The following KIF13A variants were observed in gnomAD, a reference collection of about 807,000 sequenced individuals.
The protein encoded by KIF13A is kinesin family member 13A.
In KIF13A, 79 loss-of-function variants were observed where a neutral mutation model predicts 212.2. That is an observed-to-expected ratio of 0.37 (90% CI 0.31 to 0.45). The LOEUF (loss-of-function observed/expected upper bound fraction) is 0.45. Among genes scored for constraint, KIF13A ranks in the 20% least tolerant of loss-of-function variants. KIF13A has a pLI of 1.00. For missense variants in KIF13A, 1,901 were observed against 2,209.0 expected (o/e 0.86, Z 2.79); for synonymous variants, 789 against 808.6 (o/e 0.98, Z 0.41).
Position 17,775,101 on chromosome 6 carries a change from ATT to A in KIF13A, c.4171-41_4171-40del, listed in dbSNP as rs749687713. The stretch of plus-strand genomic sequence containing the variant: ...ATGGTTTTAGCAATGTGGTTTATAT[ATT>A]TAATATAAGGGGTTTTTTTTATATA... On this transcript the variant is annotated intron_variant, in intron 34 of 38. Transcript: ENST00000259711. 10 of 1,526,452 alleles carry A rather than the reference ATT, an allele frequency of 6.6e-6. No individual in the cohort carries two copies. The East Asian group carries it at 2.3e-4, about 36-fold the overall frequency. The allele number at this position is 1,526,452 out of a possible 1,614,324, so 94.6% of individuals were successfully genotyped here. A position where few individuals can be genotyped will look rare whatever the true frequency, so the allele number is the denominator to read the frequency against.
At chr6:17,975,236 C>T (rs146957957) in intron 2 of KIF13A, among the ~76,000 whole-genome samples, 172 of 152,130 alleles carry the variant, frequency 1.1e-3, no homozygotes, top group African/African-American at 4.0e-3. Flanking sequence ...TTCTGTAATC[C>T]CAGCTACTCG....
At chr6:17,842,049 ATAT>A (rs1047203211) in intron 9 of KIF13A, among the ~76,000 whole-genome samples, 1 of 150,606 alleles carries the variant, frequency 6.6e-6, no homozygotes, top group Non-Finnish European at 1.5e-5. Context: ...ACTTATACAT[ATAT>A]TATTTTTTTT....
rs1772933290 is a variant in KIF13A, at chr6:17,900,269, C to G, written c.147-2089G>C. 6.6e-6 allele frequency among the ~76,000 whole-genome samples: 1 copy of G among 152,204 alleles called. No individual in the cohort carries two copies. Among genetic ancestry groups the G allele is most frequent in the Admixed American group, 6.5e-5 (1 of 15,282 alleles). On this transcript the variant is annotated intron_variant, in intron 2 of 38. Transcript: ENST00000259711. The surrounding 1 kb of genome is among the most constrained non-coding windows in gnomAD (Gnocchi z 4.6). ...ACAGCACAATAATAACCACCACCAG[C>G]AGCAATGAACCAGTGCTGGTTTGTA...
chr6:17,821,543 T>C (rs918505418), intron 16 of KIF13A, among the ~76,000 whole-genome samples: 3 of 52,372 alleles, frequency 5.7e-5, no homozygotes, highest in African/African-American at 1.7e-4. Flanking sequence ...GCAAATGGAA[T>C]TGGGACATGG....
At chr6:17,969,912 ATT>A (rs915850916) in intron 2 of KIF13A, among the ~76,000 whole-genome samples, 2 of 150,332 alleles carry the variant, frequency 1.3e-5, no homozygotes, top group African/African-American at 4.9e-5. Context: ...ATGCCTGTGT[ATT>A]TACTTGTGTT....
intron 2 of KIF13A, among the ~76,000 whole-genome samples, chr6:17,960,680 G>T (rs190994381): frequency 1.1e-4 from 17 of 152,202 alleles, no homozygotes; most frequent in African/African-American, 3.4e-4. Flanking sequence ...TGATCCAAAG[G>T]GACCATGGGT....
chr6:17,934,914 T>A lies in KIF13A; in HGVS notation c.147-36734A>T, dbSNP rs1776328461. Among the ~76,000 whole-genome samples, 1 of 152,052 alleles carries A rather than the reference T, an allele frequency of 6.6e-6. No homozygotes were observed. Among genetic ancestry groups the A allele is most frequent in the Admixed American group, 6.5e-5 (1 of 15,272 alleles). ...ACCAAACATATCAGTTTCACAAGGG[T>A]CCCTTTACCTTGCAGTGAGGCAGAT... On this transcript the variant is annotated intron_variant, in intron 2 of 38. Transcript: ENST00000259711. This position sits in a 1 kb window ranked among gnomAD's most constrained non-coding sequence, Gnocchi z 5.4.
At chr6:17,981,365 T>C (rs944533539) in intron 2 of KIF13A, among the ~76,000 whole-genome samples, 11 of 151,766 alleles carry the variant, frequency 7.2e-5, no homozygotes, top group Non-Finnish European at 1.5e-4. Context: ...GTCAACAAAA[T>C]AATATAACCA....
chr6:17,778,749 G>T (rs780576379), intron 33 of KIF13A, among the ~76,000 whole-genome samples, 198 bp downstream of exon 33: 3 of 152,118 alleles, frequency 2.0e-5, no homozygotes, highest in African/African-American at 4.8e-5. Flanking sequence ...TCAGTGCTTG[G>T]CAAGTAGGGG....
rs1317110266 is a variant in KIF13A at position 17,794,688 on chromosome 6, G to A, written c.2959C>T (p.Arg987Ter). 2 of 1,609,632 alleles carry A rather than the reference G, an allele frequency of 1.2e-6. No individual in the cohort carries two copies. Among genetic ancestry groups the A allele is most frequent in the Non-Finnish European group, 1.7e-6 (2 of 1,179,000 alleles). Residue 987 changes from arginine (R) to a stop codon, truncating the protein, a stop_gained, in exon 24 of 39, where the codon CGA (arginine) becomes TGA (stop). Transcript: ENST00000259711. LOFTEE classifies it high-confidence loss of function. This position sits in a 1 kb window ranked among gnomAD's most constrained non-coding sequence, Gnocchi z 4.1. ...TLHDRWNEVT[R>*]RIEMWISILE... ...ATGGAGATCCACATTTCTATTCTTC[G>A]CGTTACTTCATTCCACCTGCAGAAA... is the stretch of plus-strand genomic sequence containing the variant.
intron 2 of KIF13A, among the ~76,000 whole-genome samples, chr6:17,972,579 T>G (rs1779899896): frequency 6.6e-6 from 1 of 152,192 alleles, no homozygotes; most frequent in Admixed American, 6.5e-5. Flanking sequence ...GTGGATTTAT[T>G]GAATGTGGCC....
intron 2 of KIF13A, among the ~76,000 whole-genome samples, chr6:17,920,978 A>G (rs1175980601): frequency 6.6e-6 from 1 of 152,206 alleles, no homozygotes; most frequent in East Asian, 1.9e-4. Flanking sequence ...CCTCCAAGAT[A>G]AATGCTATCT....
chr6:17,780,665 G>GA (rs1475662654), intron 31 of KIF13A, 65 bp downstream of exon 31: 1 of 1,478,342 alleles, frequency 6.8e-7, no homozygotes, highest in Non-Finnish European at 9.3e-7. Flanking sequence ...ACTGCTTTGT[G>GA]ATAGAGAGAG....
intron 2 of KIF13A, among the ~76,000 whole-genome samples, chr6:17,953,403 T>C (rs1282411501): frequency 6.6e-6 from 1 of 152,086 alleles, no homozygotes; most frequent in Non-Finnish European, 1.5e-5. Flanking sequence ...TTATTTCTCC[T>C]CTCTTAACCA....
rs71002278 is a variant in KIF13A, at chr6:17,868,989, CAAAAAAA to C, written c.220+4381_220+4387del. On this transcript the variant is annotated intron_variant, in intron 4 of 38. Transcript: ENST00000259711. ...TGGGCGACAGAGGGAGACTCCCTCT[CAAAAAAA>C]AAAAAAAAAAAAAAAAAAAAAAAAC... Among the ~76,000 whole-genome samples the C allele has an allele frequency of 2.2e-3, 46 of 20,920 alleles. No individual in the cohort carries two copies. In the East Asian group the frequency reaches 0.053, roughly 24 times the overall value. 13.7% of individuals were successfully genotyped at this position (20,920 alleles called of 152,430 possible).
Position 17,895,821 on chromosome 6 carries a change from A to G in KIF13A, c.159+2347T>C, listed in dbSNP as rs1014007886. ...CTTATCTCCAGTGCCTTCAAGCACA[A>G]GTTTTTAATATTTTGTCCAGTCCTA... On this transcript the variant is annotated intron_variant, in intron 3 of 38. Transcript: ENST00000259711. This position sits in a 1 kb window ranked among gnomAD's most constrained non-coding sequence, Gnocchi z 4.4. Among the ~76,000 whole-genome samples, 7 of 152,190 alleles carry G rather than the reference A, an allele frequency of 4.6e-5. No homozygotes were observed. The highest frequency in any genetic ancestry group is 1.7e-4 in the African/African-American group (7 of 41,446).
At position 17,839,887 on chromosome 6, in the gene KIF13A, T is replaced by C. The variant is rs1455900085; in HGVS notation, c.831-2304A>G. On this transcript the variant is annotated intron_variant, in intron 9 of 38. Coordinates refer to ENST00000259711, the MANE Select transcript of KIF13A (RefSeq NM_022113.6). This position sits in a 1 kb window ranked among gnomAD's most constrained non-coding sequence, Gnocchi z 4.3. ...GAGGGAACAAACCCTGCTGACCCCTTGATTTCAGATTTCTCGCCTGCAGAA... is the reference window on the plus strand; with the variant it reads ...GAGGGAACAAACCCTGCTGACCCCTCGATTTCAGATTTCTCGCCTGCAGAA... Among the ~76,000 whole-genome samples, 1 of 152,180 alleles carries C rather than the reference T, an allele frequency of 6.6e-6. No homozygotes were observed. The highest frequency in any genetic ancestry group is 1.5e-5 in the Non-Finnish European group (1 of 68,028).
In KIF13A at chr6:17,837,929, G is replaced by A. The variant is rs1326777774; in HGVS notation, c.831-346C>T. Among the ~76,000 whole-genome samples the A allele has an allele frequency of 2.6e-5, 4 of 152,036 alleles. No individual in the cohort carries two copies. Among genetic ancestry groups the A allele is most frequent in the African/African-American group, 9.7e-5 (4 of 41,394 alleles). ...GACTGTGCCACTGCACTGCAGCCTG[G>A]GCGACAGAGTGAGACTCTTTCAAAA... On this transcript the variant is annotated intron_variant, in intron 9 of 38. Coordinates refer to ENST00000259711, the MANE Select transcript of KIF13A (RefSeq NM_022113.6). The surrounding 1 kb of genome is among the most constrained non-coding windows in gnomAD (Gnocchi z 5.4).
intron 38 of KIF13A, chr6:17,770,570 T>A (rs1432496787): frequency 6.5e-6 from 1 of 152,852 alleles, no homozygotes; most frequent in Non-Finnish European, 1.5e-5. Context: ...GGTATTGGAA[T>A]ATATTTTGCC....
Sources: gnomAD v4.1 joint callset for allele counts (sites outside exome capture counted in the v4.1 genomes callset) on GRCh38, gnomAD v4.1.1 for gene constraint, Gnocchi (gnomAD v3.1) non-coding constraint, MANE v1.5 for transcripts, NCBI Gene and HGNC (gene_info 2026-07-23, HGNC 2026-07-21) for gene names.